ATP11B: variants seen among roughly 807,000 people sequenced by gnomAD.
The protein encoded by ATP11B is phospholipid-transporting ATPase IF.
Under a neutral mutation model 157.8 loss-of-function variants are expected in ATP11B, and 81 were observed. That is an observed-to-expected ratio of 0.51 (90% CI 0.43 to 0.62). ATP11B has a LOEUF of 0.62. Among genes scored for constraint, ATP11B ranks in the 20% least tolerant of loss-of-function variants. The pLI is 0.00. For synonymous variants in ATP11B, 451 were observed against 469.4 expected (o/e 0.96, Z 0.51); for missense variants, 1,165 against 1,402.2 (o/e 0.83, Z 2.70).
intron 28 of ATP11B, chr3:182,902,666 AT>A (rs2108585114): frequency 1.6e-6 from 1 of 627,590 alleles, no homozygotes; most frequent in East Asian, 7.6e-5. Flanking sequence ...AGAGCGGGGC[AT>A]TTTTGTTAGC....
chr3:182,859,095 TC>T, intron 11 of ATP11B, 66 bp from the exon 12 acceptor site: 1 of 1,183,480 alleles, frequency 8.4e-7, no homozygotes, highest in Non-Finnish European at 1.2e-6. Context: ...CTGGTAATTT[TC>T]ATCAGTAATA....
rs1157003020 is a variant in ATP11B at position 182,896,760 on chromosome 3, G to T, written c.3043G>T (p.Val1015Leu). 5.6e-6 allele frequency: 9 copies of T among 1,612,290 alleles called. No individual in the cohort carries two copies. Among genetic ancestry groups the T allele is most frequent in the Non-Finnish European group, 6.8e-6 (8 of 1,178,644 alleles). Reference sequence around the variant, plus strand: ...CACAGTCATGGTTATTACAGTCACAGTAAAGGTATGGTACTGAAATTAGAA... The same window carrying T: ...CACAGTCATGGTTATTACAGTCACATTAAAGGTATGGTACTGAAATTAGAA... Reference protein sequence around the residue: ...VFTVMVITVTVKMALETHFWT... With the variant: ...VFTVMVITVTLKMALETHFWT... Residue 1015 changes from valine to leucine, a missense_variant, in exon 26 of 30, where the codon GTA becomes TTA. This residue lies in a region of ATP11B where 303 missense variants were observed against 296.3 expected (regional missense o/e 1.02). Coordinates refer to ENST00000323116, the MANE Select transcript of ATP11B (RefSeq NM_014616.3).
intron 23 of ATP11B, among the ~76,000 whole-genome samples, 153 bp downstream of exon 23, chr3:182,886,163 C>T (rs1236977281): frequency 6.6e-6 from 1 of 152,122 alleles, no homozygotes; most frequent in Non-Finnish European, 1.5e-5. Flanking sequence ...ATTTAACCAG[C>T]ATGACATTCA....
rs906757720 is a variant in ATP11B at position 182,845,455 on chromosome 3, T to C, written c.705-3T>C. The C allele has an allele frequency of 1.9e-6, 3 of 1,591,618 alleles. No individual in the cohort carries two copies. The highest frequency in any genetic ancestry group is 2.6e-6 in the Non-Finnish European group (3 of 1,174,658). Reference sequence around the variant, plus strand: ...CTTTATGGTTATTTTCTTTTTTTCCTAGACCTCTGGGGCCGGAGAGTCTCC... The same window carrying C: ...CTTTATGGTTATTTTCTTTTTTTCCCAGACCTCTGGGGCCGGAGAGTCTCC... On this transcript the variant is annotated splice_region_variant and splice_polypyrimidine_tract_variant and intron_variant, in intron 8 of 29. Transcript: ENST00000323116.
At chr3:182,833,184 GAATT>G (rs1266024898) in intron 4 of ATP11B, among the ~76,000 whole-genome samples, 1 of 151,992 alleles carries the variant, frequency 6.6e-6, no homozygotes, top group Non-Finnish European at 1.5e-5. Context: ...TTCAATTTGG[GAATT>G]AATCAGTTAA....
At position 182,884,661 on chromosome 3, in the gene ATP11B, T is replaced by A. The variant is rs542684245; in HGVS notation, c.2510-92T>A. The A allele has an allele frequency of 7.8e-6, 10 of 1,289,118 alleles. No homozygotes were observed. The African/African-American group carries it at 1.4e-4, about 18-fold the overall frequency. The allele number at this position is 1,289,118 out of a possible 1,614,324, so 79.9% of individuals were successfully genotyped here. A position where few individuals can be genotyped will look rare whatever the true frequency, so the allele number is the denominator to read the frequency against. ...TTAGGATTTAATGTTCCTAAGTGCATGTTCAACTATTATAAATAATTAAGA... is the reference window on the plus strand; with the variant it reads ...TTAGGATTTAATGTTCCTAAGTGCAAGTTCAACTATTATAAATAATTAAGA... On this transcript the variant is annotated intron_variant, in intron 21 of 29. Transcript: ENST00000323116.
intron 4 of ATP11B, among the ~76,000 whole-genome samples, chr3:182,831,297 C>T (rs867440653): frequency 5.3e-5 from 8 of 152,180 alleles, no homozygotes; most frequent in Non-Finnish European, 1.2e-4. Flanking sequence ...TTTATCCCTA[C>T]CTTCAAGATC....
chr3:182,799,534 G>T (rs142265661), intron 1 of ATP11B, among the ~76,000 whole-genome samples: 1 of 151,980 alleles, frequency 6.6e-6, no homozygotes, highest in Admixed American at 6.6e-5. Context: ...CTCGGCCTCC[G>T]GAAGTGCTGG....
chr3:182,862,946 C>G (rs1361283850), intron 12 of ATP11B, among the ~76,000 whole-genome samples: 2 of 151,722 alleles, frequency 1.3e-5, no homozygotes, highest in Admixed American at 6.6e-5. Context: ...GACAGAGTCT[C>G]ACTCTGTCTC....
Position 182,847,822 on chromosome 3 carries a change from C to T in ATP11B, c.770-654C>T, listed in dbSNP as rs140635137. ...GATGTAGAACTAATAAGTGGCAGAG[C>T]TAGAATTCAAACCAAGGTCTAGCTG... is the stretch of plus-strand genomic sequence containing the variant. On this transcript the variant is annotated intron_variant, in intron 9 of 29. Transcript: ENST00000323116. Among the ~76,000 whole-genome samples the T allele has an allele frequency of 6.4e-3, 976 of 152,312 alleles. 10 individuals carry two copies. The highest frequency in any genetic ancestry group is 0.011 in the Non-Finnish European group (737 of 68,018).
In ATP11B at chr3:182,828,409, A is replaced by G. The variant is rs1717872806; in HGVS notation, c.234+200A>G. Among the ~76,000 whole-genome samples, 3 of 152,168 alleles carry G rather than the reference A, an allele frequency of 2.0e-5. No individual in the cohort carries two copies. In the South Asian group the frequency reaches 6.2e-4, roughly 32 times the overall value. ...GAAATAGCCTGTAAACTTTAAGATC[A>G]ATTGTATATTGTTTCATCAATAATG... On this transcript the variant is annotated intron_variant, in intron 3 of 29. Transcript: ENST00000323116.
chr3:182,907,931 CTT>C (rs1724488265), intron 28 of ATP11B, among the ~76,000 whole-genome samples: 1 of 152,130 alleles, frequency 6.6e-6, no homozygotes, highest in African/African-American at 2.4e-5. Flanking sequence ...ATTATGGTGA[CTT>C]TTGCCAAGGA....
Position 182,918,197 on chromosome 3 carries a change from A to AT in ATP11B, c.*96dup, listed in dbSNP as rs1725261589. ...AATGGCCACACTAGCTCTGAAATTAATTTCCAAAATCTTTGTAGTAGTTCA... is the reference window on the plus strand; with the variant it reads ...AATGGCCACACTAGCTCTGAAATTAATTTTCCAAAATCTTTGTAGTAGTTCA... On this transcript the variant is annotated 3_prime_UTR_variant, in exon 30 of 30. Coordinates refer to ENST00000323116, the MANE Select transcript of ATP11B (RefSeq NM_014616.3). 6 of 1,549,564 alleles carry AT rather than the reference A, an allele frequency of 3.9e-6. No individual in the cohort carries two copies. The highest frequency in any genetic ancestry group is 5.2e-6 in the Non-Finnish European group (6 of 1,145,906).
In ATP11B at chr3:182,859,211, T is replaced by G; in HGVS notation, c.1052T>G (p.Phe351Cys). Residue 351 changes from phenylalanine to cysteine, a missense_variant, in exon 12 of 30, where the codon TTC (phenylalanine) becomes TGC (cysteine). Physicochemically the swap from Phe to Cys is radical, Grantham distance 205. Coordinates refer to ENST00000323116, the MANE Select transcript of ATP11B (RefSeq NM_014616.3). ...DFLAFLVLYN[F>C]IIPISLYVTV... The stretch of plus-strand genomic sequence containing the variant: ...CTTGCTTTTTTGGTTCTCTACAATT[T>G]CATCATTCCAATTTCATTATATGTG... 1 of 1,612,738 alleles carries G rather than the reference T, an allele frequency of 6.2e-7. No individual in the cohort carries two copies. Among genetic ancestry groups the G allele is most frequent in the Non-Finnish European group, 8.5e-7 (1 of 1,179,372 alleles).
chr3:182,886,080 T>C, intron 23 of ATP11B, 70 bp downstream of exon 23: 3 of 1,087,556 alleles, frequency 2.8e-6, no homozygotes, highest in Non-Finnish European at 3.8e-6. Context: ...CAGATTTTGA[T>C]AGACGTTTGA....
chr3:182,859,035 A>T, intron 11 of ATP11B, 127 bp from the exon 12 acceptor site: 1 of 560,460 alleles, frequency 1.8e-6, no homozygotes, highest in East Asian at 3.0e-5. Context: ...AATTCATGAG[A>T]CTATTCTACC....
At chr3:182,834,460 T>C (rs557728696) in intron 4 of ATP11B, among the ~76,000 whole-genome samples, 7 of 152,340 alleles carry the variant, frequency 4.6e-5, no homozygotes, top group African/African-American at 1.7e-4. Flanking sequence ...AGCAATTATT[T>C]GTAAGTTAGT....
At chr3:182,902,544 A>G (rs1300202564) in intron 28 of ATP11B, 1 of 1,289,394 alleles carries the variant, frequency 7.8e-7, no homozygotes, top group Non-Finnish European at 1.0e-6. Context: ...GTCGAGGGCA[A>G]GGAATCAGCT....
chr3:182,884,023 GT>G (rs1406506675), intron 21 of ATP11B, among the ~76,000 whole-genome samples: 1 of 150,518 alleles, frequency 6.6e-6, no homozygotes, highest in Non-Finnish European at 1.5e-5. Flanking sequence ...ATGAATACAG[GT>G]TTTTTTCATC....
Sources: allele counts gnomAD v4.1 joint callset (sites outside exome capture counted in the v4.1 genomes callset), GRCh38; gene constraint gnomAD v4.1.1; regional missense constraint gnomAD v4.1.1; transcripts MANE v1.5; gene names NCBI Gene and HGNC (gene_info 2026-07-23, HGNC 2026-07-21).